JADE2: variants seen among roughly 807,000 people sequenced by gnomAD.
JADE2 encodes the protein E3 ubiquitin-protein ligase Jade-2.
In JADE2, 13 loss-of-function variants were observed where a neutral mutation model predicts 85.7. The ratio of observed to expected loss-of-function variants is 0.15; its 90% CI spans 0.10 to 0.24. The LOEUF (loss-of-function observed/expected upper bound fraction) is 0.24, where lower values mean the gene tolerates loss of function less well. JADE2 is among the 10% of genes least tolerant of loss of function. JADE2 has a pLI of 1.00. For synonymous variants in JADE2, 440 were observed against 456.1 expected, an observed-to-expected ratio of 0.96 and a Z score of 0.45; for missense variants, 846 against 1,115.9, an observed-to-expected ratio of 0.76 and a Z score of 3.45.
At chr5:134,573,812 CGGGGCT>C (rs776371470) in intron 10 of JADE2, 50 bp downstream of exon 10, 1 of 1,151,850 alleles carries the variant, frequency 8.7e-7, no homozygotes, top group South Asian at 1.2e-5. Flanking sequence ...CCCTCTCTTG[CGGGGCT>C]GGGTCCCAAG....
At position 134,580,614 on chromosome 5, in the gene JADE2, C is replaced by G. The variant is rs1378199298; in HGVS notation, c.*1297C>G. 6.6e-6 allele frequency: 1 copy of G among 152,210 alleles called. No homozygotes were observed. The highest frequency in any genetic ancestry group is 1.9e-4 in the East Asian group (1 of 5,200). The allele number at this position is 152,210 out of a possible 1,614,324, so 9.4% of individuals were successfully genotyped here. A position where few individuals can be genotyped will look rare whatever the true frequency, so the allele number is the denominator to read the frequency against. Reference sequence around the variant, plus strand: ...AATTACTCCTGGGTCACTTCCACCACTGGTAAAGCCAGAACTTCTCCAAAA... The same window carrying G: ...AATTACTCCTGGGTCACTTCCACCAGTGGTAAAGCCAGAACTTCTCCAAAA... On this transcript the variant is annotated 3_prime_UTR_variant, in exon 12 of 12. Transcript: ENST00000681547.
intron 6 of JADE2, among the ~76,000 whole-genome samples, 160 bp downstream of exon 6, chr5:134,561,117 GCCCCTTGGCTT>G (rs1763296625): frequency 6.6e-6 from 1 of 152,206 alleles, no homozygotes; most frequent in Non-Finnish European, 1.5e-5. Context: ...TGCACCCAGG[GCCCCTTGGCTT>G]AGACTTGCTG....
chr5:134,535,022 C>T (rs1162739759), intron 1 of JADE2, among the ~76,000 whole-genome samples: 1 of 152,232 alleles, frequency 6.6e-6, no homozygotes, highest in Non-Finnish European at 1.5e-5. Context: ...GATTCAGTCC[C>T]ATCTCAGCCA....
Position 134,535,924 on chromosome 5 carries a change from T to C in JADE2, c.58+9T>C, listed in dbSNP as rs1032037864. ...CTCTGACACCACTGACAGTAAGGCCTTCCAGTTTGGGCTCCTACAGGGAAA... is the reference window on the plus strand; with the variant it reads ...CTCTGACACCACTGACAGTAAGGCCCTCCAGTTTGGGCTCCTACAGGGAAA... On this transcript the variant is annotated intron_variant, in intron 2 of 11. Transcript: ENST00000681547. The C allele has an allele frequency of 6.2e-7, 1 of 1,612,804 alleles. No homozygotes were observed. The highest frequency in any genetic ancestry group is 1.3e-5 in the African/African-American group (1 of 74,892).
rs1763211090 is a variant in JADE2 at position 134,559,760 on chromosome 5, GCT to G, written c.312-68_312-67del. ...ATCAGCTCCTGAGCTGGACTGGTCA[GCT>G]CCCTGGAGCCCCTATGGCGGCAGGC... is the stretch of plus-strand genomic sequence containing the variant. On this transcript the variant is annotated intron_variant, in intron 4 of 11. Coordinates refer to ENST00000681547, the MANE Select transcript of JADE2 (RefSeq NM_001388185.1). 13 of 1,512,766 alleles carry G rather than the reference GCT, an allele frequency of 8.6e-6. No homozygotes were observed. In the South Asian group the frequency reaches 1.5e-4, roughly 18 times the overall value. 93.7% of individuals were successfully genotyped at this position (1,512,766 alleles called of 1,614,324 possible). A position where few individuals can be genotyped will look rare whatever the true frequency, so the allele number is the denominator to read the frequency against.
rs897189027 is a variant in JADE2 at position 134,531,860 on chromosome 5, T to A, written c.1-3998T>A. Among the ~76,000 whole-genome samples the A allele has an allele frequency of 2.1e-5, 3 of 142,936 alleles. No individual in the cohort carries two copies. The East Asian group carries it at 6.3e-4, about 30-fold the overall frequency. The allele number at this position is 142,936 out of a possible 152,430, so 93.8% of individuals were successfully genotyped here. Reference sequence around the variant, plus strand: ...TTGGTCTCCCAAAGTGCTGGGAATATAAGGATGAGCCACCGTGCCTGGCTT... The same window carrying A: ...TTGGTCTCCCAAAGTGCTGGGAATAAAAGGATGAGCCACCGTGCCTGGCTT... On this transcript the variant is annotated intron_variant, in intron 1 of 11. Coordinates refer to ENST00000681547, the MANE Select transcript of JADE2 (RefSeq NM_001388185.1).
chr5:134,578,902 C>T lies in JADE2; in HGVS notation c.2090C>T (p.Ser697Phe). ...PTRKPPRRTS[S>F]HLPSSPAAGD... ...AGGAAGCCACCACGTCGGACATCTT[C>T]TCACTTGCCGTCCAGCCCTGCAGCC... The change falls in exon 12 of 12, where the codon TCT becomes TTT. Residue 697 changes from serine to phenylalanine, a missense_variant. This residue lies in a region of JADE2 where 300 missense variants were observed against 300.7 expected (regional missense o/e 1.00). Transcript: ENST00000681547. This position sits in a 1 kb window ranked among gnomAD's most constrained non-coding sequence, Gnocchi z 4.4. The T allele has an allele frequency of 6.2e-7, 1 of 1,613,864 alleles. No homozygotes were observed. Among genetic ancestry groups the T allele is most frequent in the Non-Finnish European group, 8.5e-7 (1 of 1,179,998 alleles).
intron 3 of JADE2, among the ~76,000 whole-genome samples, chr5:134,540,331 A>G (rs1195205680): frequency 6.6e-6 from 1 of 150,474 alleles, no homozygotes; most frequent in African/African-American, 2.4e-5. Flanking sequence ...TGATCCTCCC[A>G]TCTCAGCTTC....
At chr5:134,544,687 C>G (rs10051195) in intron 3 of JADE2, 23,334 of 159,172 alleles carry the variant, frequency 0.15, 2,020 homozygotes, top group African/African-American at 0.24. Flanking sequence ...ACCACTGAGG[C>G]CCTTCACCAA....
At chr5:134,565,666 G>A (rs960274213) in intron 8 of JADE2, among the ~76,000 whole-genome samples, 3 of 152,112 alleles carry the variant, frequency 2.0e-5, no homozygotes, top group Non-Finnish European at 4.4e-5. Flanking sequence ...CCAACATGGC[G>A]AAACCTCATC....
At chr5:134,571,621 C>T (rs950270489) in intron 9 of JADE2, among the ~76,000 whole-genome samples, 129 of 152,186 alleles carry the variant, frequency 8.5e-4, no homozygotes, top group Admixed American at 7.9e-3. Flanking sequence ...GGCTTCAACC[C>T]GGGAGGCCGA....
rs555161647 is a variant in JADE2, at chr5:134,553,010, T to A, written c.311+801T>A. 2.6e-3 allele frequency among the ~76,000 whole-genome samples: 378 copies of A among 147,118 alleles called. 1 individual carries two copies. Among genetic ancestry groups the A allele is most frequent in the African/African-American group, 9.3e-3 (368 of 39,456 alleles). On this transcript the variant is annotated intron_variant, in intron 4 of 11. Transcript: ENST00000681547. ...GCCTTTTTTTTTTTTTTTTTTTTTTTTCTGACAAGGTCTCACTCTGTTACC... is the reference window on the plus strand; with the variant it reads ...GCCTTTTTTTTTTTTTTTTTTTTTTATCTGACAAGGTCTCACTCTGTTACC...
intron 11 of JADE2, among the ~76,000 whole-genome samples, chr5:134,577,291 C>T (rs186467477): frequency 6.6e-6 from 1 of 152,322 alleles, no homozygotes; most frequent in East Asian, 1.9e-4. Context: ...CTAAGTGGGC[C>T]CTTCCTGCAA....
At position 134,562,159 on chromosome 5, in the gene JADE2, G is replaced by A; in HGVS notation, c.685-41G>A. 6.4e-7 allele frequency: 1 copy of A among 1,558,986 alleles called. No homozygotes were observed. The highest frequency in any genetic ancestry group is 8.7e-7 in the Non-Finnish European group (1 of 1,148,978). On this transcript the variant is annotated intron_variant, in intron 6 of 11. Coordinates refer to ENST00000681547, the MANE Select transcript of JADE2 (RefSeq NM_001388185.1). The surrounding 1 kb of genome is among the most constrained non-coding windows in gnomAD (Gnocchi z 4.6). ...GCTGACTGCTGACCAGACACAGATTGGCCAGTTCCGCTGACTCATGACCAC... is the reference window on the plus strand; with the variant it reads ...GCTGACTGCTGACCAGACACAGATTAGCCAGTTCCGCTGACTCATGACCAC...
At chr5:134,560,243 T>C (rs1763243599) in intron 5 of JADE2, among the ~76,000 whole-genome samples, 1 of 152,064 alleles carries the variant, frequency 6.6e-6, no homozygotes, top group South Asian at 2.1e-4. Flanking sequence ...TAAGCATGAA[T>C]GTTACATGAA....
At chr5:134,554,387 G>T (rs1336833696) in intron 4 of JADE2, among the ~76,000 whole-genome samples, 1 of 152,136 alleles carries the variant, frequency 6.6e-6, no homozygotes, top group Admixed American at 6.5e-5. Flanking sequence ...TGAAGGTCAG[G>T]CCACCAGGTG....
intron 3 of JADE2, among the ~76,000 whole-genome samples, chr5:134,550,027 A>C (rs1299150205): frequency 6.6e-6 from 1 of 152,222 alleles, no homozygotes; most frequent in African/African-American, 2.4e-5. Context: ...GGCCCCCTAA[A>C]AGCACGCAGT....
rs1411726948 is a variant in JADE2, at chr5:134,580,211, TCAGA to T, written c.*899_*902del. 1 of 152,728 alleles carries T rather than the reference TCAGA, an allele frequency of 6.5e-6. No individual in the cohort carries two copies. The highest frequency in any genetic ancestry group is 2.4e-5 in the African/African-American group (1 of 41,454). 9.5% of individuals were successfully genotyped at this position (152,728 alleles called of 1,614,324 possible). A position where few individuals can be genotyped will look rare whatever the true frequency, so the allele number is the denominator to read the frequency against. On this transcript the variant is annotated 3_prime_UTR_variant, in exon 12 of 12. Coordinates refer to ENST00000681547, the MANE Select transcript of JADE2 (RefSeq NM_001388185.1). ...AGTCTCGGCCGAAGTCTGGTCACGCTCAGACAGAGCTGACCAGACCAGACCGTTT... is the reference window on the plus strand; with the variant it reads ...AGTCTCGGCCGAAGTCTGGTCACGCTCAGAGCTGACCAGACCAGACCGTTT...
intron 1 of JADE2, among the ~76,000 whole-genome samples, chr5:134,529,007 C>T (rs930516411): frequency 6.6e-6 from 1 of 152,182 alleles, no homozygotes; most frequent in Non-Finnish European, 1.5e-5. Context: ...AGATGCACCA[C>T]GGAGTATTGA....
Sources: gnomAD v4.1 joint callset for allele counts (sites outside exome capture counted in the v4.1 genomes callset) on GRCh38, gnomAD v4.1.1 for gene constraint, gnomAD v4.1.1 regional missense constraint, Gnocchi (gnomAD v3.1) non-coding constraint, MANE v1.5 for transcripts, NCBI Gene and HGNC (gene_info 2026-07-23, HGNC 2026-07-21) for gene names.